Variants in BCAR3 observed in about 807,000 individuals in gnomAD.
The protein encoded by BCAR3 is breast cancer anti-estrogen resistance protein 3.
In BCAR3, 37 loss-of-function variants were observed where a neutral mutation model predicts 80.1. The ratio of observed to expected loss-of-function variants is 0.46; its 90% CI spans 0.36 to 0.61. BCAR3 has a LOEUF of 0.61. Among genes scored for constraint, BCAR3 ranks in the 20% least tolerant of loss-of-function variants. The pLI, the probability that BCAR3 is intolerant of heterozygous loss-of-function variation, is 0.00. For synonymous variants in BCAR3, 389 were observed against 418.9 expected, an observed-to-expected ratio of 0.93 and a Z score of 0.87; for missense variants, 978 against 1,068.2, an observed-to-expected ratio of 0.92 and a Z score of 1.18.
chr1:93,813,455 T>TTC (rs945705202), intron 2 of BCAR3, among the ~76,000 whole-genome samples: 1 of 151,836 alleles, frequency 6.6e-6, no homozygotes, highest in East Asian at 1.9e-4. Flanking sequence ...CTAGGACAGT[T>TTC]TCTCTCTCTC....
Position 93,589,355 on chromosome 1 carries a change from C to T in BCAR3, c.551G>A (p.Gly184Glu). 6.2e-7 allele frequency: 1 copy of T among 1,614,090 alleles called. No homozygotes were observed. Among genetic ancestry groups the T allele is most frequent in the Non-Finnish European group, 8.5e-7 (1 of 1,180,024 alleles). ...FLVRDSLSSP[G>E]NFVLTCQWKN... ...CCACTGACAGGTCAGGACAAAGTTC[C>T]CAGGGCTGGACAGAGAGTCACGAAC... Residue 184 changes from glycine (G) to glutamate (E), a missense_variant, in exon 5 of 12, where the codon GGG (glycine) becomes GAG (glutamate). Transcript: ENST00000260502.
intron 2 of BCAR3, among the ~76,000 whole-genome samples, chr1:93,735,574 T>C (rs139791567): frequency 2.0e-5 from 3 of 152,392 alleles, no homozygotes; most frequent in African/African-American, 7.2e-5. Context: ...GGAATCATTT[T>C]ATATTTTGTA....
At chr1:93,566,025 A>ATTTAC (rs1346477068) in intron 11 of BCAR3, among the ~76,000 whole-genome samples, 1 of 152,162 alleles carries the variant, frequency 6.6e-6, no homozygotes, top group African/African-American at 2.4e-5. Context: ...CACCAGAGTA[A>ATTTAC]TTTACTTTAA....
At chr1:93,719,147 T>C (rs530680694) in intron 2 of BCAR3, among the ~76,000 whole-genome samples, 1 of 152,018 alleles carries the variant, frequency 6.6e-6, no homozygotes, top group African/African-American at 2.4e-5. Flanking sequence ...AAGGGAAGCC[T>C]CCAAATAAAC....
intron 2 of BCAR3, among the ~76,000 whole-genome samples, chr1:93,832,698 G>T (rs1213093914): frequency 6.6e-6 from 1 of 152,086 alleles, no homozygotes; most frequent in Non-Finnish European, 1.5e-5. Flanking sequence ...AACTGTTGTG[G>T]GTATTGATGG....
intron 2 of BCAR3, among the ~76,000 whole-genome samples, chr1:93,648,367 C>A (rs1676211787): frequency 6.6e-6 from 1 of 151,854 alleles, no homozygotes; most frequent in South Asian, 2.1e-4. Context: ...GGTAAAAGTA[C>A]CAAAAGCTAC....
At chr1:93,574,121 A>G (rs368653940) in intron 8 of BCAR3, among the ~76,000 whole-genome samples, 4 of 152,228 alleles carry the variant, frequency 2.6e-5, no homozygotes, top group Non-Finnish European at 2.9e-5. Flanking sequence ...CTGAATGGTT[A>G]TATCCATTCA....
chr1:93,775,123 C>A (rs966276202), intron 2 of BCAR3: 1 of 152,212 alleles, frequency 6.6e-6, no homozygotes, highest in Non-Finnish European at 1.5e-5. Context: ...GCAATTGCTG[C>A]GTCCAGGTAA....
In BCAR3 at chr1:93,847,008, G is replaced by GGTCCGGGCCGCCGGCT. The variant is rs1164202464; in HGVS notation, c.-209+61_-209+62insAGCCGGCGGCCCGGAC. 2.4e-4 allele frequency: 4 copies of GGTCCGGGCCGCCGGCT among 16,700 alleles called. No individual in the cohort carries two copies. The East Asian group carries it at 0.019, about 80-fold the overall frequency. 1.0% of individuals were successfully genotyped at this position (16,700 alleles called of 1,614,324 possible). On this transcript the variant is annotated intron_variant, in intron 1 of 13. Coordinates refer to the BCAR3 transcript ENST00000370244. ...CTCGCGCGCAGGTCCAGCCGCGGCT[G>GGTCCGGGCCGCCGGCT]GGTCGGGCGCGGCGGCCGGGCGCGA...
At chr1:93,612,400 C>G (rs1162932609) in intron 3 of BCAR3, among the ~76,000 whole-genome samples, 6 of 152,172 alleles carry the variant, frequency 3.9e-5, no homozygotes, top group African/African-American at 1.4e-4. Context: ...CCCGACTACC[C>G]CATATATTAA....
chr1:93,725,108 G>A (rs758938470), intron 2 of BCAR3, among the ~76,000 whole-genome samples: 2 of 152,140 alleles, frequency 1.3e-5, no homozygotes, highest in African/African-American at 2.4e-5. Flanking sequence ...ACACTTCTAC[G>A]TAGTTCACCT....
chr1:93,651,237 G>T (rs1020684238), intron 2 of BCAR3, among the ~76,000 whole-genome samples: 6 of 152,138 alleles, frequency 3.9e-5, no homozygotes, highest in African/African-American at 1.4e-4. Context: ...CAAATATTCC[G>T]TTTAGGCACA....
Position 93,567,510 on chromosome 1 carries a change from AGTTTTCCATATCACAT to A in BCAR3, c.2087-35_2087-20del. ...GTGGACTCTGAAGAATAAGGAGTAGAGTTTTCCATATCACATGTTTTCCAAAGTTAAGCACAGAATG... is the reference window on the plus strand; with the variant it reads ...GTGGACTCTGAAGAATAAGGAGTAGAGTTTTCCAAAGTTAAGCACAGAATG... On this transcript the variant is annotated intron_variant, in intron 10 of 11. Coordinates refer to ENST00000260502, the MANE Select transcript of BCAR3 (RefSeq NM_003567.4). 1 of 1,610,336 alleles carries A rather than the reference AGTTTTCCATATCACAT, an allele frequency of 6.2e-7. No homozygotes were observed. Among genetic ancestry groups the A allele is most frequent in the South Asian group, 1.1e-5 (1 of 90,992 alleles).
At chr1:93,652,813 A>G (rs1676366104) in intron 2 of BCAR3, among the ~76,000 whole-genome samples, 1 of 151,924 alleles carries the variant, frequency 6.6e-6, no homozygotes, top group Admixed American at 6.6e-5. Flanking sequence ...GTGAAACTGG[A>G]CTCCCTCATT....
intron 2 of BCAR3, among the ~76,000 whole-genome samples, chr1:93,768,568 A>G (rs776196663): frequency 3.9e-5 from 6 of 152,196 alleles, no homozygotes; most frequent in Non-Finnish European, 7.3e-5. Flanking sequence ...GGAGAACTTA[A>G]AACCGGAGCT....
At chr1:93,748,529 G>A (rs1412948647) in intron 2 of BCAR3, among the ~76,000 whole-genome samples, 2 of 151,984 alleles carry the variant, frequency 1.3e-5, no homozygotes, top group Admixed American at 6.6e-5. Context: ...GACTTCGATC[G>A]GCCATATTCA....
intron 2 of BCAR3, among the ~76,000 whole-genome samples, chr1:93,806,117 GA>G (rs1653645329): frequency 1.3e-5 from 2 of 152,126 alleles, no homozygotes; most frequent in African/African-American, 4.8e-5. Context: ...TTCAAAAAGA[GA>G]AAAATGTTAA....
chr1:93,580,260 T>C (rs1673643611), intron 7 of BCAR3, among the ~76,000 whole-genome samples: 1 of 152,166 alleles, frequency 6.6e-6, no homozygotes, highest in African/African-American at 2.4e-5. Flanking sequence ...ACTGGACTTC[T>C]TGCCATGATT....
chr1:93,802,578 G>A (rs748385102), intron 2 of BCAR3, among the ~76,000 whole-genome samples: 2 of 152,192 alleles, frequency 1.3e-5, no homozygotes, highest in African/African-American at 4.8e-5. Context: ...CTTGGGTCAG[G>A]CTTTTCTCTA....
Sources: gnomAD v4.1 joint callset for allele counts (sites outside exome capture counted in the v4.1 genomes callset) on GRCh38, gnomAD v4.1.1 for gene constraint, MANE v1.5 for transcripts, NCBI Gene and HGNC (gene_info 2026-07-23, HGNC 2026-07-21) for gene names.